IFT80: variants seen among roughly 807,000 people sequenced by gnomAD.
IFT80 encodes intraflagellar transport protein 80 homolog.
In IFT80, 79 loss-of-function variants were observed where a neutral mutation model predicts 107.9. That is an observed-to-expected ratio of 0.73 (90% CI 0.61 to 0.88). The LOEUF (loss-of-function observed/expected upper bound fraction) is 0.88. IFT80 is among the 40% of genes least tolerant of loss of function. The pLI, the probability that IFT80 is intolerant of heterozygous loss-of-function variation, is 0.00. For missense variants in IFT80, 797 were observed against 914.2 expected, an observed-to-expected ratio of 0.87 and a Z score of 1.65; for synonymous variants, 299 against 300.9, an observed-to-expected ratio of 0.99 and a Z score of 0.07.
At chr3:160,266,468 G>A (rs1193554370) in intron 19 of IFT80, among the ~76,000 whole-genome samples, 2 of 151,054 alleles carry the variant, frequency 1.3e-5, no homozygotes, top group Admixed American at 6.6e-5. Context: ...ACTCACTTCA[G>A]CCTTGACCTC....
intron 8 of IFT80, among the ~76,000 whole-genome samples, chr3:160,328,670 C>T (rs1718861311): frequency 6.6e-6 from 1 of 151,726 alleles, no homozygotes; most frequent in Non-Finnish European, 1.5e-5. Flanking sequence ...ATAAATTGTT[C>T]TATTATAAAG....
intron 12 of IFT80, among the ~76,000 whole-genome samples, chr3:160,293,940 T>C (rs1034840042): frequency 6.6e-5 from 10 of 152,130 alleles, no homozygotes; most frequent in African/African-American, 2.2e-4. Context: ...GTTGAACACA[T>C]TGATGTGCCA....
chr3:160,311,790 G>A (rs747696661), intron 9 of IFT80, among the ~76,000 whole-genome samples: 2 of 152,040 alleles, frequency 1.3e-5, no homozygotes, highest in Non-Finnish European at 2.9e-5. Context: ...TTGTTTGTCT[G>A]TTTTGAGATG....
At chr3:160,299,836 C>T (rs1255592673) in intron 12 of IFT80, among the ~76,000 whole-genome samples, 6 of 152,064 alleles carry the variant, frequency 3.9e-5, no homozygotes, top group African/African-American at 9.7e-5. Flanking sequence ...GCAGACCGAC[C>T]CCCTCCAAAT....
At chr3:160,390,147 GT>G (rs1277350546) in intron 1 of IFT80, among the ~76,000 whole-genome samples, 6 of 152,218 alleles carry the variant, frequency 3.9e-5, no homozygotes, top group African/African-American at 1.4e-4. Context: ...GACAGGCATG[GT>G]GGCTCATGCC....
Position 160,258,608 on chromosome 3 carries a change from C to G in IFT80, c.2251G>C (p.Ala751Pro). 6.2e-7 allele frequency: 1 copy of G among 1,612,082 alleles called. No homozygotes were observed. Among genetic ancestry groups the G allele is most frequent in the South Asian group, 1.1e-5 (1 of 91,046 alleles). ...TTTGTAATTTCCATCTCAATTTTGG[C>G]TTTGATTTTCTCCCAATCTATTTGG... ...GLQIDWEKIK[A>P]KIEMEITKER... The change falls in exon 20 of 20, where the codon GCC becomes CCC. Residue 751 changes from alanine to proline, a missense_variant. Ala to Pro is a conservative substitution (Grantham distance 27, BLOSUM62 -1). Coordinates refer to ENST00000326448, the MANE Select transcript of IFT80 (RefSeq NM_020800.3).
chr3:160,304,670 C>T (rs560396219), intron 10 of IFT80, among the ~76,000 whole-genome samples: 2 of 152,136 alleles, frequency 1.3e-5, no homozygotes, highest in African/African-American at 4.8e-5. Context: ...CTCCTGACCT[C>T]ATGATCCACC....
At chr3:160,275,423 C>G (rs1714182401) in intron 18 of IFT80, among the ~76,000 whole-genome samples, 1 of 152,146 alleles carries the variant, frequency 6.6e-6, no homozygotes, top group African/African-American at 2.4e-5. Flanking sequence ...GTTTATCTCT[C>G]TAATTATTTA....
intron 8 of IFT80, among the ~76,000 whole-genome samples, chr3:160,323,387 T>C (rs1380725424): frequency 1.2e-4 from 18 of 151,848 alleles, no homozygotes; most frequent in Admixed American, 3.9e-4. Flanking sequence ...TTCTGTTCCA[T>C]TGATCTAAAT....
Position 160,315,194 on chromosome 3 carries a change from T to C in IFT80, c.957+4566A>G, listed in dbSNP as rs575181918. The stretch of plus-strand genomic sequence containing the variant: ...TCCACATGTTGCAAGTGAAAACAGG[T>C]ACAGGGATAGTCAACTATGTATTCC... On this transcript the variant is annotated intron_variant, in intron 9 of 19. Coordinates refer to ENST00000326448, the MANE Select transcript of IFT80 (RefSeq NM_020800.3). Among the ~76,000 whole-genome samples the C allele has an allele frequency of 5.9e-5, 9 of 152,182 alleles. No individual in the cohort carries two copies. The South Asian group carries it at 1.9e-3, about 32-fold the overall frequency.
chr3:160,296,529 T>C (rs1715993892), intron 12 of IFT80, among the ~76,000 whole-genome samples: 1 of 151,884 alleles, frequency 6.6e-6, no homozygotes, highest in African/African-American at 2.4e-5. Flanking sequence ...TTTACTCTGG[T>C]TCATTCTCAG....
At chr3:160,336,085 T>C (rs990411840) in intron 8 of IFT80, among the ~76,000 whole-genome samples, 5 of 152,208 alleles carry the variant, frequency 3.3e-5, no homozygotes, top group African/African-American at 1.2e-4. Flanking sequence ...TTTTTTCAGC[T>C]TTTTGGCTTT....
chr3:160,302,054 T>C (rs1370121285), intron 11 of IFT80, among the ~76,000 whole-genome samples: 1 of 152,058 alleles, frequency 6.6e-6, no homozygotes, highest in Non-Finnish European at 1.5e-5. Flanking sequence ...TTATTGCCCT[T>C]TGAAAAGTTG....
At chr3:160,307,925 G>T in intron 9 of IFT80, 144 bp from the exon 10 acceptor site, 1 of 627,888 alleles carries the variant, frequency 1.6e-6, no homozygotes. Context: ...TAGAAACTAG[G>T]CATAAGATAG....
intron 12 of IFT80, among the ~76,000 whole-genome samples, chr3:160,289,564 G>A (rs898332090): frequency 1.3e-5 from 2 of 152,192 alleles, no homozygotes; most frequent in East Asian, 1.9e-4. Flanking sequence ...CATCATAGCA[G>A]GGTGGAAGTC....
chr3:160,359,638 G>T (rs1721351982), intron 6 of IFT80, among the ~76,000 whole-genome samples: 5 of 152,194 alleles, frequency 3.3e-5, no homozygotes, highest in Admixed American at 3.3e-4. Context: ...TCCAGAGGAA[G>T]GATCAGGCAG....
chr3:160,290,843 G>A (rs1715501435), intron 12 of IFT80, among the ~76,000 whole-genome samples: 1 of 152,170 alleles, frequency 6.6e-6, no homozygotes, highest in Non-Finnish European at 1.5e-5. Flanking sequence ...GATTACAGAT[G>A]TGAGCCACAT....
At chr3:160,336,870 T>C (rs1719516766) in intron 8 of IFT80, among the ~76,000 whole-genome samples, 1 of 152,198 alleles carries the variant, frequency 6.6e-6, no homozygotes, top group African/African-American at 2.4e-5. Context: ...GCTAATTACT[T>C]TTATAAAAAT....
At chr3:160,288,012 C>T (rs1033641262) in intron 12 of IFT80, among the ~76,000 whole-genome samples, 1 of 152,200 alleles carries the variant, frequency 6.6e-6, no homozygotes, top group East Asian at 1.9e-4. Flanking sequence ...TCTAGAAACT[C>T]ATCCAAACTG....
Sources: gnomAD v4.1 joint callset for allele counts (sites outside exome capture counted in the v4.1 genomes callset) on GRCh38, gnomAD v4.1.1 for gene constraint, MANE v1.5 for transcripts, NCBI Gene and HGNC (gene_info 2026-07-23, HGNC 2026-07-21) for gene names.